The following TSPAN2 variants were observed in gnomAD, a reference collection of about 807,000 sequenced individuals.
TSPAN2 encodes tetraspanin 2.
A neutral mutation model predicts 33.3 loss-of-function variants in TSPAN2; 24 were observed. The observed-to-expected ratio is 0.72, with a 90% CI of 0.52 to 1.01. TSPAN2 has a LOEUF of 1.01. TSPAN2 is among the 50% of genes least tolerant of loss of function. The probability of loss-of-function intolerance (pLI) is 0.00; values close to 1 mark genes in which losing one functional copy is unlikely to be tolerated. For synonymous variants in TSPAN2, 114 were observed against 104.5 expected (o/e 1.09, Z -0.56); for missense variants, 278 against 281.3 (o/e 0.99, Z 0.08).
intron 4 of TSPAN2, 47 bp from the exon 5 acceptor site, chr1:115,059,028 C>A: frequency 7.1e-7 from 1 of 1,411,218 alleles, no homozygotes; most frequent in South Asian, 1.2e-5. Context: ...TGGGAAGTTT[C>A]AAACATTCTC....
intron 3 of TSPAN2, among the ~76,000 whole-genome samples, chr1:115,061,668 TTTTTTTC>T (rs1341323072): frequency 6.6e-5 from 10 of 152,164 alleles, no homozygotes; most frequent in Non-Finnish European, 1.5e-4. Flanking sequence ...AAGATAATAT[TTTTTTTC>T]TTTTTTCTTT....
chr1:115,056,735 T>C (rs1647444553), intron 6 of TSPAN2, among the ~76,000 whole-genome samples: 1 of 152,104 alleles, frequency 6.6e-6, no homozygotes, highest in Non-Finnish European at 1.5e-5. Flanking sequence ...TTCATGTTCA[T>C]CCCTCCTATC....
intron 1 of TSPAN2, among the ~76,000 whole-genome samples, chr1:115,085,196 T>C (rs916697894): frequency 7.2e-5 from 11 of 152,210 alleles, no homozygotes; most frequent in Admixed American, 3.9e-4. Context: ...AATTTAGACA[T>C]GACAGATGTT....
At chr1:115,086,319 C>T (rs373572474) in intron 1 of TSPAN2, among the ~76,000 whole-genome samples, 2 of 152,202 alleles carry the variant, frequency 1.3e-5, no homozygotes, top group Non-Finnish European at 2.9e-5. Context: ...TGTGCAGGCA[C>T]GCCCTGCTTG....
chr1:115,072,388 T>C (rs1324362818), intron 2 of TSPAN2, among the ~76,000 whole-genome samples: 1 of 152,144 alleles, frequency 6.6e-6, no homozygotes, highest in African/African-American at 2.4e-5. Flanking sequence ...ATGGAGAGAC[T>C]GAGATTAGCA....
intron 1 of TSPAN2, among the ~76,000 whole-genome samples, chr1:115,088,576 T>A (rs1379304206): frequency 6.6e-6 from 1 of 152,166 alleles, no homozygotes; most frequent in African/African-American, 2.4e-5. Context: ...AGGGTCAAGA[T>A]CCTATCTCTC....
At chr1:115,071,842 C>T (rs1201364844) in intron 2 of TSPAN2, among the ~76,000 whole-genome samples, 1 of 152,216 alleles carries the variant, frequency 6.6e-6, no homozygotes, top group East Asian at 1.9e-4. Flanking sequence ...AGAGGTAGCA[C>T]AGCTGCAGGC....
chr1:115,071,962 C>T (rs1409381422), intron 2 of TSPAN2, among the ~76,000 whole-genome samples: 1 of 152,198 alleles, frequency 6.6e-6, no homozygotes, highest in African/African-American at 2.4e-5. Context: ...GCAGGATGCT[C>T]TTCCTCCCTG....
intron 1 of TSPAN2, among the ~76,000 whole-genome samples, chr1:115,080,808 T>G (rs1276022726): frequency 1.3e-5 from 2 of 152,206 alleles, no homozygotes; most frequent in African/African-American, 4.8e-5. Context: ...ACCTCCTCCT[T>G]GGAACATCCA....
intron 7 of TSPAN2, 23 bp downstream of exon 7, chr1:115,053,356 G>A (rs945817565): frequency 1.2e-6 from 2 of 1,608,886 alleles, no homozygotes; most frequent in African/African-American, 1.3e-5. Context: ...GGGCAAAAAG[G>A]GTAAGTTCTA....
chr1:115,084,929 C>G lies in TSPAN2; in HGVS notation c.69+4435G>C, dbSNP rs115003267. Among the ~76,000 whole-genome samples, 545 of 152,292 alleles carry G rather than the reference C, an allele frequency of 3.6e-3. 3 individuals are homozygous for G. Among genetic ancestry groups the G allele is most frequent in the African/African-American group, 0.012 (519 of 41,562 alleles). ...ACTTCAGACTTGCCATATATGGAAT[C>G]TGCTTTTCAACAATGAACAGCTCTG... On this transcript the variant is annotated intron_variant, in intron 1 of 7. Coordinates refer to ENST00000369516, the MANE Select transcript of TSPAN2 (RefSeq NM_005725.6).
At chr1:115,081,545 T>C (rs762588291) in intron 1 of TSPAN2, among the ~76,000 whole-genome samples, 13 of 152,192 alleles carry the variant, frequency 8.5e-5, no homozygotes, top group Non-Finnish European at 1.8e-4. Flanking sequence ...GGAGTTGTAG[T>C]GGATAAAAAT....
chr1:115,079,909 G>A (rs537546857), intron 1 of TSPAN2, among the ~76,000 whole-genome samples: 3 of 152,228 alleles, frequency 2.0e-5, no homozygotes, highest in Non-Finnish European at 4.4e-5. Flanking sequence ...AGTGATGGAA[G>A]GGTGGTGCAA....
chr1:115,069,741 C>G (rs892087285), intron 2 of TSPAN2, among the ~76,000 whole-genome samples: 8 of 152,122 alleles, frequency 5.3e-5, no homozygotes, highest in Admixed American at 3.9e-4. Context: ...TAGACATGTC[C>G]ATAAAGATAT....
intron 2 of TSPAN2, among the ~76,000 whole-genome samples, chr1:115,063,167 A>T (rs1017796094): frequency 1.5e-4 from 23 of 152,234 alleles, no homozygotes; most frequent in Non-Finnish European, 1.5e-5. Flanking sequence ...TGTTTTAAAA[A>T]TGTCTTTCAC....
At position 115,055,056 on chromosome 1, in the gene TSPAN2, C is replaced by T. The variant is rs561291142; in HGVS notation, c.517-1594G>A. The stretch of plus-strand genomic sequence containing the variant: ...ATATCCTGCTTTGGGTCTTTCAGCT[C>T]CTCAGGAAGCCTGCACTGCCAGTTA... On this transcript the variant is annotated intron_variant, in intron 6 of 7. Transcript: ENST00000369516. 2.0e-5 allele frequency among the ~76,000 whole-genome samples: 3 copies of T among 152,252 alleles called. No homozygotes were observed. In the South Asian group the frequency reaches 6.2e-4, roughly 32 times the overall value.
At chr1:115,086,383 C>G (rs1648837730) in intron 1 of TSPAN2, among the ~76,000 whole-genome samples, 1 of 152,318 alleles carries the variant, frequency 6.6e-6, no homozygotes, top group Non-Finnish European at 1.5e-5. Flanking sequence ...GGCGCACACT[C>G]CCCCTTGCTC....
At chr1:115,074,523 G>C (rs1648322140) in intron 1 of TSPAN2, among the ~76,000 whole-genome samples, 1 of 152,082 alleles carries the variant, frequency 6.6e-6, no homozygotes. Context: ...GCAGCTAAAG[G>C]ACCCGGGATC....
chr1:115,057,749 G>C (rs1647493344), intron 5 of TSPAN2, 141 bp from the exon 6 acceptor site: 1 of 715,666 alleles, frequency 1.4e-6, no homozygotes, highest in Admixed American at 2.2e-5. Flanking sequence ...GCTATTTCTG[G>C]AAGGAGAGTG....
Sources: allele counts gnomAD v4.1 joint callset (sites outside exome capture counted in the v4.1 genomes callset), GRCh38; gene constraint gnomAD v4.1.1; transcripts MANE v1.5; gene names NCBI Gene and HGNC (gene_info 2026-07-23, HGNC 2026-07-21).